Variants in SYT2 observed in about 807,000 individuals in gnomAD.
SYT2 encodes the protein synaptotagmin-2.
In SYT2, 15 loss-of-function variants were observed where a neutral mutation model predicts 39.9. That is an observed-to-expected ratio of 0.38 (90% CI 0.25 to 0.58). The LOEUF (loss-of-function observed/expected upper bound fraction) is 0.58. SYT2 is among the 20% of genes least tolerant of loss of function. The pLI is 0.70. For synonymous variants in SYT2, 181 were observed against 204.5 expected (o/e 0.89, Z 0.98); for missense variants, 389 against 530.3 (o/e 0.73, Z 2.62).
intron 1 of SYT2, among the ~76,000 whole-genome samples, chr1:202,663,395 C>T (rs2149106622): frequency 6.6e-6 from 1 of 152,326 alleles, no homozygotes; most frequent in East Asian, 1.9e-4. Flanking sequence ...TCACCATCTG[C>T]ACCAAGTACA....
At chr1:202,656,761 G>A (rs556006111) in intron 1 of SYT2, among the ~76,000 whole-genome samples, 1 of 152,286 alleles carries the variant, frequency 6.6e-6, no homozygotes, top group South Asian at 2.1e-4. Context: ...CTTCATGCAG[G>A]AATTCCCTAA....
intron 1 of SYT2, among the ~76,000 whole-genome samples, chr1:202,624,155 A>T (rs974150869): frequency 6.6e-6 from 1 of 151,664 alleles, no homozygotes; most frequent in Non-Finnish European, 1.5e-5. Flanking sequence ...GTGAGTGTGC[A>T]TATGTGGCGT....
At chr1:202,620,886 G>A (rs1172874650) in intron 1 of SYT2, among the ~76,000 whole-genome samples, 1 of 152,154 alleles carries the variant, frequency 6.6e-6, no homozygotes, top group Non-Finnish European at 1.5e-5. Context: ...CAGCCTACAT[G>A]GGAGAATCAC....
intron 1 of SYT2, among the ~76,000 whole-genome samples, chr1:202,666,084 C>A (rs1279032053): frequency 1.4e-5 from 2 of 144,256 alleles, no homozygotes; most frequent in South Asian, 4.4e-4. Flanking sequence ...ACCAGGGAGG[C>A]GGAGCTTGCA....
intron 1 of SYT2, among the ~76,000 whole-genome samples, chr1:202,609,676 C>T (rs558174670): frequency 1.0e-3 from 157 of 152,360 alleles, no homozygotes; most frequent in Non-Finnish European, 1.9e-3. Context: ...CTTTTGGCTG[C>T]ATAACTGTCT....
At chr1:202,618,298 C>T (rs1691104941) in intron 1 of SYT2, among the ~76,000 whole-genome samples, 1 of 152,100 alleles carries the variant, frequency 6.6e-6, no homozygotes, top group Non-Finnish European at 1.5e-5. Flanking sequence ...GCTCTGGGCC[C>T]AGGGCTCTTT....
chr1:202,655,473 G>A (rs1357897767), intron 1 of SYT2, among the ~76,000 whole-genome samples: 2 of 152,104 alleles, frequency 1.3e-5, no homozygotes, highest in African/African-American at 4.8e-5. Context: ...AGTCTTCAGG[G>A]ACAAGGGGAC....
chr1:202,650,375 G>C (rs977091475), intron 1 of SYT2, among the ~76,000 whole-genome samples: 2 of 151,992 alleles, frequency 1.3e-5, no homozygotes, highest in Non-Finnish European at 2.9e-5. Context: ...CATAGCCTAC[G>C]TGTACGTCTC....
At chr1:202,670,720 T>A (rs935509329) in intron 1 of SYT2, among the ~76,000 whole-genome samples, 2 of 152,196 alleles carry the variant, frequency 1.3e-5, no homozygotes, top group Non-Finnish European at 2.9e-5. Context: ...CCACACCTAA[T>A]GTTTGAAAGC....
rs1690212703 is a variant in SYT2, at chr1:202,594,166, A to G, written c.*2591T>C. On this transcript the variant is annotated 3_prime_UTR_variant, in exon 9 of 9. Coordinates refer to ENST00000367268, the MANE Select transcript of SYT2 (RefSeq NM_177402.5). The stretch of plus-strand genomic sequence containing the variant: ...CCACACTGGCTCCACACTGGTGTCA[A>G]CGTTCAAAATCACTCAGCAACCTGT... The G allele has an allele frequency of 1.3e-5, 2 of 152,368 alleles. No individual in the cohort carries two copies. The highest frequency in any genetic ancestry group is 4.1e-4 in the South Asian group (2 of 4,822). The allele number at this position is 152,368 out of a possible 1,614,324, so 9.4% of individuals were successfully genotyped here.
Position 202,592,512 on chromosome 1 carries a change from A to G in SYT2, c.*4245T>C, listed in dbSNP as rs574132505. 4 of 152,390 alleles carry G rather than the reference A, an allele frequency of 2.6e-5. No homozygotes were observed. In the South Asian group the frequency reaches 8.3e-4, roughly 32 times the overall value. 9.4% of individuals were successfully genotyped at this position (152,390 alleles called of 1,614,324 possible). Reference sequence around the variant, plus strand: ...GATCAAGGGGACTCTCAGCATTGCCATGCGGCTATTTACAGAAAGTTATAG... The same window carrying G: ...GATCAAGGGGACTCTCAGCATTGCCGTGCGGCTATTTACAGAAAGTTATAG... On this transcript the variant is annotated 3_prime_UTR_variant, in exon 9 of 9. Coordinates refer to ENST00000367268, the MANE Select transcript of SYT2 (RefSeq NM_177402.5).
chr1:202,664,693 T>C (rs544435778), intron 1 of SYT2, among the ~76,000 whole-genome samples: 1 of 152,354 alleles, frequency 6.6e-6, no homozygotes, highest in South Asian at 2.1e-4. Flanking sequence ...AGAGTCTTAC[T>C]CTGTTGCCCA....
chr1:202,605,910 A>C, intron 1 of SYT2, 121 bp from the exon 2 acceptor site: 1 of 656,608 alleles, frequency 1.5e-6, no homozygotes, highest in Non-Finnish European at 2.6e-6. Flanking sequence ...CATAATATTA[A>C]CAACTGTAGT....
chr1:202,648,803 T>C (rs1015938231), intron 1 of SYT2, among the ~76,000 whole-genome samples: 1 of 152,160 alleles, frequency 6.6e-6, no homozygotes, highest in Non-Finnish European at 1.5e-5. Flanking sequence ...AAAGAAAGAA[T>C]TAAGCTGACA....
At chr1:202,635,666 G>C (rs868181304) in intron 1 of SYT2, among the ~76,000 whole-genome samples, 3 of 152,068 alleles carry the variant, frequency 2.0e-5, no homozygotes, top group Non-Finnish European at 4.4e-5. Context: ...CTCTCCTTAC[G>C]TACAACTCAC....
intron 1 of SYT2, among the ~76,000 whole-genome samples, chr1:202,648,888 T>C (rs1572657112): frequency 6.6e-6 from 1 of 152,250 alleles, no homozygotes; most frequent in African/African-American, 2.4e-5. Flanking sequence ...TGGCTGGCTC[T>C]TGACCTTGTC....
intron 1 of SYT2, among the ~76,000 whole-genome samples, chr1:202,622,378 C>T (rs757282325): frequency 2.6e-5 from 4 of 152,192 alleles, no homozygotes; most frequent in Non-Finnish European, 5.9e-5. Context: ...ATGCACACCT[C>T]CACTTTGGAG....
chr1:202,657,717 T>C (rs1457588810), intron 1 of SYT2, among the ~76,000 whole-genome samples: 2 of 151,854 alleles, frequency 1.3e-5, no homozygotes, highest in East Asian at 3.9e-4. Flanking sequence ...GCAGTCAGCA[T>C]AGACAACAGC....
rs1238241028 is a variant in SYT2, at chr1:202,614,328, A to G, written c.-17-8539T>C. On this transcript the variant is annotated intron_variant, in intron 1 of 8. Transcript: ENST00000367268. This position sits in a 1 kb window ranked among gnomAD's most constrained non-coding sequence, Gnocchi z 4.0. ...AACCACTGAAGGGTGCTGAGCAGTT[A>G]TAAGTGGGGTTTGTGAAGTTAGCTC... 6.6e-6 allele frequency among the ~76,000 whole-genome samples: 1 copy of G among 152,182 alleles called. No homozygotes were observed. The highest frequency in any genetic ancestry group is 2.4e-5 in the African/African-American group (1 of 41,436).
Sources: gnomAD v4.1 joint callset for allele counts (sites outside exome capture counted in the v4.1 genomes callset) on GRCh38, gnomAD v4.1.1 for gene constraint, Gnocchi (gnomAD v3.1) non-coding constraint, MANE v1.5 for transcripts, NCBI Gene and HGNC (gene_info 2026-07-23, HGNC 2026-07-21) for gene names.